The following TNFAIP8 variants were observed in gnomAD, a reference collection of about 807,000 sequenced individuals.
TNFAIP8 encodes the protein tumor necrosis factor alpha-induced protein 8.
A neutral mutation model predicts 13.3 loss-of-function variants in TNFAIP8; 7 were observed. The observed-to-expected ratio is 0.52, with a 90% CI of 0.30 to 0.99. The LOEUF (loss-of-function observed/expected upper bound fraction) is 0.99. Among genes scored for constraint, TNFAIP8 ranks in the 50% least tolerant of loss-of-function variants. TNFAIP8 has a pLI of 0.07. For missense variants in TNFAIP8, 258 were observed against 236.9 expected (o/e 1.09, Z -0.58); for synonymous variants, 94 against 87.6 (o/e 1.07, Z -0.41).
chr5:119,338,768 G>C (rs1750640832), intron 1 of TNFAIP8, among the ~76,000 whole-genome samples: 1 of 152,212 alleles, frequency 6.6e-6, no homozygotes, highest in Admixed American at 6.5e-5. Context: ...ATACAAAAGA[G>C]ATTTTTTTGT....
At chr5:119,289,475 C>T (rs370092967) in intron 1 of TNFAIP8, among the ~76,000 whole-genome samples, 35 of 152,202 alleles carry the variant, frequency 2.3e-4, no homozygotes, top group African/African-American at 8.0e-4. Context: ...CTGTATTGGG[C>T]TGGAAACCTC....
intron 1 of TNFAIP8, among the ~76,000 whole-genome samples, chr5:119,388,874 G>C (rs1308645724): frequency 1.3e-5 from 2 of 151,704 alleles, no homozygotes; most frequent in African/African-American, 4.8e-5. Flanking sequence ...AAAGTCCTGG[G>C]CTCAAGTGAT....
chr5:119,282,577 A>G (rs766072760), intron 1 of TNFAIP8, among the ~76,000 whole-genome samples: 4 of 152,216 alleles, frequency 2.6e-5, no homozygotes, highest in Non-Finnish European at 5.9e-5. Flanking sequence ...CTCCTGGCGC[A>G]CAGAGTGTCT....
intron 1 of TNFAIP8, among the ~76,000 whole-genome samples, chr5:119,364,434 C>T (rs1751752749): frequency 6.6e-6 from 1 of 152,112 alleles, no homozygotes; most frequent in African/African-American, 2.4e-5. Context: ...GTGGCGGGGT[C>T]ATAGCTGGGC....
chr5:119,346,155 A>G (rs957268738), intron 1 of TNFAIP8, among the ~76,000 whole-genome samples: 1 of 152,140 alleles, frequency 6.6e-6, no homozygotes, highest in African/African-American at 2.4e-5. Flanking sequence ...CTTGCTAGAA[A>G]TCTACCCTCT....
At chr5:119,361,656 G>C (rs536259040) in intron 1 of TNFAIP8, among the ~76,000 whole-genome samples, 2 of 152,208 alleles carry the variant, frequency 1.3e-5, no homozygotes, top group Non-Finnish European at 2.9e-5. Flanking sequence ...TTGAAGTCAG[G>C]GTTGACTGTC....
intron 1 of TNFAIP8, among the ~76,000 whole-genome samples, chr5:119,339,069 A>ATTT (rs1562007204): frequency 6.6e-6 from 1 of 151,662 alleles, no homozygotes; most frequent in African/African-American, 2.4e-5. Flanking sequence ...AAAAGGCCCC[A>ATTT]TTTTCTGCCT....
intron 1 of TNFAIP8, among the ~76,000 whole-genome samples, chr5:119,390,105 G>A (rs969656242): frequency 1.3e-5 from 2 of 152,020 alleles, no homozygotes; most frequent in African/African-American, 4.8e-5. Context: ...CTCTCCCTCT[G>A]GTTTCAATAT....
At chr5:119,284,249 G>A (rs1475020267) in intron 1 of TNFAIP8, among the ~76,000 whole-genome samples, 1 of 152,134 alleles carries the variant, frequency 6.6e-6, no homozygotes, top group African/African-American at 2.4e-5. Flanking sequence ...CAGGAACTAT[G>A]CCACCTAGCC....
At chr5:119,333,409 C>T (rs1435373167) in intron 1 of TNFAIP8, 1 of 1,360,276 alleles carries the variant, frequency 7.4e-7, no homozygotes, top group Non-Finnish European at 9.5e-7. Flanking sequence ...CCAGTGCCTT[C>T]TGTGCATTTA....
At chr5:119,285,464 G>C (rs1748752995) in intron 1 of TNFAIP8, among the ~76,000 whole-genome samples, 1 of 152,148 alleles carries the variant, frequency 6.6e-6, no homozygotes, top group Admixed American at 6.5e-5. Flanking sequence ...GCTTTGGGTG[G>C]GAAGTCAGGA....
intron 1 of TNFAIP8, among the ~76,000 whole-genome samples, chr5:119,296,665 C>G (rs1008272598): frequency 1.3e-5 from 2 of 152,196 alleles, no homozygotes; most frequent in African/African-American, 4.8e-5. Flanking sequence ...AGGATTCCCT[C>G]TTTTTCTATT....
chr5:119,359,131 A>G (rs55774612), intron 1 of TNFAIP8, among the ~76,000 whole-genome samples: 1 of 151,954 alleles, frequency 6.6e-6, no homozygotes, highest in African/African-American at 2.4e-5. Flanking sequence ...TGTCATTCCT[A>G]CTGCAGAATG....
rs35420099 is a variant in TNFAIP8 at position 119,326,306 on chromosome 5, C to T, written c.1+57399C>T. Among the ~76,000 whole-genome samples, 961 of 152,234 alleles carry T rather than the reference C, an allele frequency of 6.3e-3. 7 individuals carry two copies. The highest frequency in any genetic ancestry group is 0.022 in the African/African-American group (913 of 41,534). ...AAATGCTGTAAGTGTCCAAATATCA[C>T]GGAGATGCAGGAGTGGGAGCAGTGA... On this transcript the variant is annotated intron_variant, in intron 1 of 1. Transcript: ENST00000274456.
intron 1 of TNFAIP8, among the ~76,000 whole-genome samples, chr5:119,308,995 A>G (rs1404980316): frequency 6.6e-6 from 1 of 152,228 alleles, no homozygotes; most frequent in South Asian, 2.1e-4. Context: ...GCAGTTGTGC[A>G]TGTATGTGAT....
At chr5:119,273,115 C>T (rs991933015) in intron 1 of TNFAIP8, among the ~76,000 whole-genome samples, 3 of 152,222 alleles carry the variant, frequency 2.0e-5, no homozygotes, top group Non-Finnish European at 4.4e-5. Flanking sequence ...TGTCTCAGCC[C>T]CTGCTGGCTG....
chr5:119,338,170 A>ACACG (rs1439334100), intron 1 of TNFAIP8, among the ~76,000 whole-genome samples: 1 of 107,286 alleles, frequency 9.3e-6, no homozygotes, highest in African/African-American at 6.5e-5. Flanking sequence ...ACTTTGACAC[A>ACACG]CACACACACA....
intron 1 of TNFAIP8, among the ~76,000 whole-genome samples, chr5:119,330,966 A>G (rs576146716): frequency 2.0e-5 from 3 of 152,126 alleles, no homozygotes; most frequent in Admixed American, 6.5e-5. Context: ...GAAAAAGGCC[A>G]AGAGCCAACT....
intron 1 of TNFAIP8, among the ~76,000 whole-genome samples, chr5:119,303,069 G>A (rs1749444581): frequency 6.6e-6 from 1 of 152,122 alleles, no homozygotes; most frequent in African/African-American, 2.4e-5. Context: ...CTCCCTTCAT[G>A]TGCCTAGTGC....
Sources: allele counts gnomAD v4.1 joint callset (sites outside exome capture counted in the v4.1 genomes callset), GRCh38; gene constraint gnomAD v4.1.1; transcripts MANE v1.5; gene names NCBI Gene and HGNC (gene_info 2026-07-23, HGNC 2026-07-21).